SPIRE2: variants seen among roughly 807,000 people sequenced by gnomAD.
SPIRE2 encodes protein spire homolog 2.
In SPIRE2, 76 loss-of-function variants were observed where a neutral mutation model predicts 80.7. The observed-to-expected ratio is 0.94, with a 90% CI of 0.78 to 1.14. The LOEUF is 1.14. Among genes scored for constraint, SPIRE2 ranks in the 50% most tolerant of loss-of-function variants. The pLI, the probability that SPIRE2 is intolerant of heterozygous loss-of-function variation, is 0.00. For missense variants in SPIRE2, 1,196 were observed against 1,015.3 expected, an observed-to-expected ratio of 1.18 and a Z score of -2.42; for synonymous variants, 535 against 432.6, an observed-to-expected ratio of 1.24 and a Z score of -2.94.
chr16:89,851,186 C>T (rs375924767), intron 3 of SPIRE2, among the ~76,000 whole-genome samples: 50 of 152,300 alleles, frequency 3.3e-4, no homozygotes, highest in African/African-American at 1.2e-3. Flanking sequence ...TGCTCTCTCC[C>T]GTTGCCTGAG....
intron 13 of SPIRE2, among the ~76,000 whole-genome samples, 197 bp downstream of exon 13, chr16:89,868,413 C>T (rs985951282): frequency 2.0e-5 from 3 of 152,148 alleles, no homozygotes; most frequent in African/African-American, 4.8e-5. Flanking sequence ...AAACATTGCA[C>T]GTTAGTAGCC....
chr16:89,866,593 C>A (rs2041790923), intron 12 of SPIRE2, among the ~76,000 whole-genome samples: 1 of 142,520 alleles, frequency 7.0e-6, no homozygotes, highest in African/African-American at 2.7e-5. Context: ...CCACGCCCAG[C>A]CTTGAATTTT....
chr16:89,855,244 A>G (rs2041679042), intron 5 of SPIRE2, among the ~76,000 whole-genome samples: 1 of 152,120 alleles, frequency 6.6e-6, no homozygotes, highest in South Asian at 2.1e-4. Flanking sequence ...GCCTGGCTGT[A>G]GGATATTTTT....
intron 1 of SPIRE2, among the ~76,000 whole-genome samples, chr16:89,841,038 G>C (rs2041501332): frequency 6.6e-6 from 1 of 152,024 alleles, no homozygotes; most frequent in African/African-American, 2.4e-5. Context: ...AGAAATCTGA[G>C]TCAGGTGCAG....
rs564936766 is a variant in SPIRE2 at position 89,840,343 on chromosome 16, G to A, written c.245-4979G>A. Among the ~76,000 whole-genome samples, 12 of 144,178 alleles carry A rather than the reference G, an allele frequency of 8.3e-5. 1 individual carries two copies. In the South Asian group the frequency reaches 1.8e-3, roughly 22 times the overall value. 94.6% of individuals were successfully genotyped at this position (144,178 alleles called of 152,430 possible). ...CGGCTCACTGCAAGCTCCACCTCCC[G>A]GGTTCACATCATTCTCCTGTCTCAG... On this transcript the variant is annotated intron_variant, in intron 1 of 14. Transcript: ENST00000378247.
At chr16:89,836,371 G>A (rs1410064513) in intron 1 of SPIRE2, 6 of 393,780 alleles carry the variant, frequency 1.5e-5, no homozygotes, top group South Asian at 8.8e-5. Context: ...GCAGCGGACC[G>A]GGGGCCGAGA....
rs535296633 is a variant in SPIRE2 at position 89,838,542 on chromosome 16, C to A, written c.245-6780C>A. Among the ~76,000 whole-genome samples the A allele has an allele frequency of 5.3e-5, 8 of 152,180 alleles. No homozygotes were observed. The South Asian group carries it at 1.7e-3, about 32-fold the overall frequency. ...TTCATCAGCGGGAACCAGGGAAGCT[C>A]AGGGAAGCACGGTGAGCCACGGAAG... On this transcript the variant is annotated intron_variant, in intron 1 of 14. Coordinates refer to ENST00000378247, the MANE Select transcript of SPIRE2 (RefSeq NM_032451.2).
At chr16:89,859,591 C>T in intron 9 of SPIRE2, among the ~76,000 whole-genome samples, 1 of 152,262 alleles carries the variant, frequency 6.6e-6, no homozygotes, top group East Asian at 1.9e-4. Flanking sequence ...AAAAAGAATT[C>T]TCATGATTCT....
intron 1 of SPIRE2, among the ~76,000 whole-genome samples, chr16:89,839,113 G>A (rs35051452): frequency 0.011 from 1,742 of 152,152 alleles, 31 homozygotes; most frequent in South Asian, 0.092. Flanking sequence ...AGGCCAAGGC[G>A]GGTGGATCAC....
intron 8 of SPIRE2, among the ~76,000 whole-genome samples, 183 bp downstream of exon 8, chr16:89,858,690 C>T (rs892910337): frequency 6.6e-6 from 1 of 152,240 alleles, no homozygotes; most frequent in African/African-American, 2.4e-5. Context: ...ACCCTGCCAT[C>T]TTGGCCGCTC....
intron 7 of SPIRE2, among the ~76,000 whole-genome samples, 190 bp from the exon 8 acceptor site, chr16:89,858,148 G>A (rs983489470): frequency 3.3e-5 from 5 of 152,116 alleles, no homozygotes; most frequent in Non-Finnish European, 7.4e-5. Context: ...GCCTCCCAAA[G>A]TGCTGGGATT....
At chr16:89,858,743 G>T (rs1360709330) in intron 8 of SPIRE2, among the ~76,000 whole-genome samples, 1 of 152,214 alleles carries the variant, frequency 6.6e-6, no homozygotes, top group Non-Finnish European at 1.5e-5. Flanking sequence ...TCCTCCCACA[G>T]ACGATGGAAG....
At chr16:89,839,838 G>T (rs571048224) in intron 1 of SPIRE2, among the ~76,000 whole-genome samples, 3 of 152,242 alleles carry the variant, frequency 2.0e-5, no homozygotes, top group African/African-American at 7.2e-5. Flanking sequence ...GAGAGTCAAA[G>T]GCAGGGCAGC....
rs1180979074 is a variant in SPIRE2, at chr16:89,870,137, T to C, written c.2010T>C (p.Ser670=). ...SHGCVLKDVC[S]ECTSFVADVV... ...GCTGTGTCCTGAAGGATGTCTGCAG[T>C]GAGTGCACCAGCTTTGTGGCAGACG... The change falls in exon 15 of 15, where the codon AGT becomes AGC. Residue 670 remains serine, a synonymous_variant. Transcript: ENST00000378247. 6.2e-7 allele frequency: 1 copy of C among 1,613,160 alleles called. No homozygotes were observed.
rs116874712 is a variant in SPIRE2 at position 89,850,990 on chromosome 16, C to T, written c.645+330C>T. Among the ~76,000 whole-genome samples, 1,123 of 152,102 alleles carry T rather than the reference C, an allele frequency of 7.4e-3. 10 individuals carry two copies. The highest frequency in any genetic ancestry group is 0.02 in the Middle Eastern group (6 of 294). On this transcript the variant is annotated intron_variant, in intron 3 of 14. Coordinates refer to ENST00000378247, the MANE Select transcript of SPIRE2 (RefSeq NM_032451.2). ...TAGCTGGGATTACAGGTGCCCACCA[C>T]CATGCCTGGTAGTAGAGACGGGGTT... is the stretch of plus-strand genomic sequence containing the variant.
rs1240201696 is a variant in SPIRE2, at chr16:89,850,599, C to T, written c.584C>T (p.Ala195Val). ...GCGCATTACCAGGCCGTGTGCCGCG[C>T]GCTCTTCGTGGAGACGCTGGAGCTG... ...AQAHYQAVCR[A>V]LFVETLELRA... The change falls in exon 3 of 15, where the codon GCG (alanine) becomes GTG (valine). Residue 195 changes from alanine (A) to valine (V), a missense_variant. By Grantham distance (64) the Ala-to-Val change is moderately conservative. Coordinates refer to ENST00000378247, the MANE Select transcript of SPIRE2 (RefSeq NM_032451.2). The T allele has an allele frequency of 5.3e-6, 8 of 1,519,542 alleles. No individual in the cohort carries two copies. The highest frequency in any genetic ancestry group is 2.4e-5 in the South Asian group (2 of 81,944). The allele number at this position is 1,519,542 out of a possible 1,614,324, so 94.1% of individuals were successfully genotyped here. A position where few individuals can be genotyped will look rare whatever the true frequency, so the allele number is the denominator to read the frequency against.
intron 3 of SPIRE2, among the ~76,000 whole-genome samples, chr16:89,851,919 C>T (rs911025209): frequency 6.6e-6 from 1 of 152,058 alleles, no homozygotes; most frequent in Non-Finnish European, 1.5e-5. Flanking sequence ...GCTTCCCGAA[C>T]CCTCTGAGCC....
chr16:89,856,455 ATTTG>A (rs1447568957), intron 7 of SPIRE2, among the ~76,000 whole-genome samples: 4 of 151,638 alleles, frequency 2.6e-5, no homozygotes, highest in African/African-American at 4.8e-5. Flanking sequence ...ATATATATAT[ATTTG>A]TTTGAGATGG....
intron 1 of SPIRE2, among the ~76,000 whole-genome samples, chr16:89,839,322 C>T (rs2041480997): frequency 6.7e-6 from 1 of 148,784 alleles, no homozygotes; most frequent in Non-Finnish European, 1.5e-5. Flanking sequence ...TGCAGTGAGC[C>T]GAGATCGCGC....
Sources: gnomAD v4.1 joint callset for allele counts (sites outside exome capture counted in the v4.1 genomes callset) on GRCh38, gnomAD v4.1.1 for gene constraint, MANE v1.5 for transcripts, NCBI Gene and HGNC (gene_info 2026-07-23, HGNC 2026-07-21) for gene names.